EPHA6: variants seen among roughly 807,000 people sequenced by gnomAD.
EPHA6 encodes the protein EPH receptor A6.
Under a neutral mutation model 112.0 loss-of-function variants are expected in EPHA6, and 50 were observed. The observed-to-expected ratio is 0.45, with a 90% CI of 0.36 to 0.56. The LOEUF is 0.56. EPHA6 is among the 20% of genes least tolerant of loss of function. The probability of loss-of-function intolerance (pLI) is 0.00; values close to 1 mark genes in which losing one functional copy is unlikely to be tolerated. For missense variants in EPHA6, 1,280 were observed against 1,417.4 expected (o/e 0.90, Z 1.56); for synonymous variants, 529 against 490.7 (o/e 1.08, Z -1.03).
chr3:97,275,660 C>A (rs1449921611), intron 5 of EPHA6, among the ~76,000 whole-genome samples: 2 of 152,012 alleles, frequency 1.3e-5, no homozygotes, highest in African/African-American at 2.4e-5. Flanking sequence ...CTTTAAAAGG[C>A]CATGCTGTAA....
At chr3:97,039,296 A>G (rs2045228448) in intron 3 of EPHA6, among the ~76,000 whole-genome samples, 1 of 152,074 alleles carries the variant, frequency 6.6e-6, no homozygotes, top group African/African-American at 2.4e-5. Flanking sequence ...AGGGAGAAAA[A>G]CAGTTTAAAC....
intron 14 of EPHA6, among the ~76,000 whole-genome samples, chr3:97,698,983 T>G (rs544210541): frequency 7.2e-4 from 110 of 152,326 alleles, no homozygotes; most frequent in African/African-American, 2.6e-3. Context: ...AATGGCCCAG[T>G]GTTACACAAC....
At chr3:97,747,362 T>C in intron 16 of EPHA6, 61 bp from the exon 17 acceptor site, 1 of 1,344,848 alleles carries the variant, frequency 7.4e-7, no homozygotes, top group Non-Finnish European at 9.8e-7. Context: ...AGTTCCGTGA[T>C]TTGTGCTTTA....
intron 14 of EPHA6, among the ~76,000 whole-genome samples, chr3:97,706,998 G>GA (rs1279872331): frequency 6.6e-6 from 1 of 152,146 alleles, no homozygotes; most frequent in Non-Finnish European, 1.5e-5. Context: ...GGGAATGAAT[G>GA]AATGAATGCC....
Position 96,992,536 on chromosome 3 carries a change from G to T in EPHA6, c.1114+4543G>T, listed in dbSNP as rs993973939. Among the ~76,000 whole-genome samples the T allele has an allele frequency of 7.9e-5, 12 of 152,206 alleles. 1 individual carries two copies. In the South Asian group the frequency reaches 1.9e-3, roughly 24 times the overall value. On this transcript the variant is annotated intron_variant, in intron 3 of 17. Transcript: ENST00000389672. ...TCATGTATAATGCTTCATCTGTTGTGTCTGAGGTAACGTTGTGTACTGTCT... is the reference window on the plus strand; with the variant it reads ...TCATGTATAATGCTTCATCTGTTGTTTCTGAGGTAACGTTGTGTACTGTCT...
rs749242356 is a variant in EPHA6, at chr3:96,814,878, G to A, written c.255G>A (p.Arg85=). ...TGCGCTGCCGCCACTTCTCTTTAAG[G>A]GAGAGGAAAAGAGAGCCTAGGAGAA... ...TCLRCRHFSL[R]ERKREPRRTM... is the part of the protein sequence containing the mutation. Residue 85 remains arginine (R), a synonymous_variant, in exon 1 of 18, where the codon AGG becomes AGA. Coordinates refer to ENST00000389672, the MANE Select transcript of EPHA6 (RefSeq NM_001080448.3). 1.9e-6 allele frequency: 3 copies of A among 1,556,876 alleles called. No individual in the cohort carries two copies. Among genetic ancestry groups the A allele is most frequent in the Non-Finnish European group, 2.6e-6 (3 of 1,149,764 alleles).
intron 5 of EPHA6, among the ~76,000 whole-genome samples, chr3:97,278,319 T>C (rs2080167963): frequency 6.6e-6 from 1 of 152,252 alleles, no homozygotes; most frequent in African/African-American, 2.4e-5. Context: ...GGTCGTGTTA[T>C]GCTGATACTT....
chr3:96,892,007 T>C (rs1235234484), intron 2 of EPHA6, among the ~76,000 whole-genome samples: 1 of 152,208 alleles, frequency 6.6e-6, no homozygotes, highest in Non-Finnish European at 1.5e-5. Context: ...CACAGACAGC[T>C]TTAGAGTTGG....
At chr3:96,994,283 C>T (rs1481123122) in intron 3 of EPHA6, 31 of 336,000 alleles carry the variant, frequency 9.2e-5, no homozygotes, top group Middle Eastern at 4.5e-4. Context: ...GCTGATATTT[C>T]ATAACTTTTA....
chr3:97,711,958 TTAATG>T (rs1274003019), intron 14 of EPHA6, among the ~76,000 whole-genome samples: 2 of 152,188 alleles, frequency 1.3e-5, no homozygotes, highest in Non-Finnish European at 2.9e-5. Context: ...TACCCACTCT[TTAATG>T]TTACACATCA....
At chr3:97,197,895 ACTT>A (rs1298613246) in intron 3 of EPHA6, among the ~76,000 whole-genome samples, 1 of 152,022 alleles carries the variant, frequency 6.6e-6, no homozygotes, top group Non-Finnish European at 1.5e-5. Context: ...AGGTCTAAAT[ACTT>A]CTTCTGTGGG....
intron 1 of EPHA6, among the ~76,000 whole-genome samples, chr3:96,828,693 C>T (rs2033822700): frequency 6.6e-6 from 1 of 152,076 alleles, no homozygotes; most frequent in South Asian, 2.1e-4. Flanking sequence ...TGTCTTTCTC[C>T]ATCTCCATTT....
intron 7 of EPHA6, among the ~76,000 whole-genome samples, chr3:97,458,030 T>A (rs1009149098): frequency 6.0e-4 from 72 of 120,288 alleles, no homozygotes; most frequent in Non-Finnish European, 2.1e-4. Flanking sequence ...ATCGCGCCAC[T>A]GCACTCCAGC....
At chr3:97,654,688 G>T (rs573085086) in intron 14 of EPHA6, among the ~76,000 whole-genome samples, 1 of 151,904 alleles carries the variant, frequency 6.6e-6, no homozygotes, top group South Asian at 2.1e-4. Context: ...CCTAAGATGA[G>T]AACAAGCTTG....
intron 14 of EPHA6, among the ~76,000 whole-genome samples, chr3:97,663,965 T>C (rs568936312): frequency 6.6e-6 from 1 of 152,306 alleles, no homozygotes; most frequent in Admixed American, 6.5e-5. Flanking sequence ...TGTAAAAGTG[T>C]TCCTATTTCT....
rs142618246 is a variant in EPHA6 at position 97,371,463 on chromosome 3, A to T, written c.1607-33687A>T. On this transcript the variant is annotated intron_variant, in intron 5 of 17. Coordinates refer to ENST00000389672, the MANE Select transcript of EPHA6 (RefSeq NM_001080448.3). Reference sequence around the variant, plus strand: ...TGTGAAGATTTCATGGACACTTATCACCTCCCCAATCAATACCCTTGTGAT... The same window carrying T: ...TGTGAAGATTTCATGGACACTTATCTCCTCCCCAATCAATACCCTTGTGAT... Among the ~76,000 whole-genome samples the T allele has an allele frequency of 8.3e-3, 1,269 of 152,106 alleles. 14 individuals carry two copies. The highest frequency in any genetic ancestry group is 0.027 in the African/African-American group (1,126 of 41,510).
chr3:97,423,937 C>A (rs1188945942), intron 6 of EPHA6, among the ~76,000 whole-genome samples: 1 of 152,178 alleles, frequency 6.6e-6, no homozygotes, highest in Non-Finnish European at 1.5e-5. Context: ...GCAGAAATAA[C>A]TGGTTAGTCA....
At chr3:97,681,829 A>G (rs557317823) in intron 14 of EPHA6, among the ~76,000 whole-genome samples, 42 of 152,158 alleles carry the variant, frequency 2.8e-4, no homozygotes, top group African/African-American at 9.6e-4. Flanking sequence ...TACTCACTAA[A>G]CTCAACAGTT....
intron 15 of EPHA6, among the ~76,000 whole-genome samples, chr3:97,731,306 G>C (rs1368313348): frequency 6.6e-6 from 1 of 151,972 alleles, no homozygotes; most frequent in Non-Finnish European, 1.5e-5. Context: ...AGCGGGTTTA[G>C]TTTTGCACAA....
Sources: gnomAD v4.1 joint callset for allele counts (sites outside exome capture counted in the v4.1 genomes callset) on GRCh38, gnomAD v4.1.1 for gene constraint, MANE v1.5 for transcripts, NCBI Gene and HGNC (gene_info 2026-07-23, HGNC 2026-07-21) for gene names.